Variants in CCL21 observed in about 807,000 individuals in gnomAD.
The protein encoded by CCL21 is C-C motif chemokine 21.
A neutral mutation model predicts 16.4 loss-of-function variants in CCL21; 12 were observed. The ratio of observed to expected loss-of-function variants is 0.73; its 90% confidence interval spans 0.47 to 1.18. The LOEUF (loss-of-function observed/expected upper bound fraction) is 1.18, where lower values mean the gene tolerates loss of function less well. Ranked by LOEUF, CCL21 falls within the 50% of genes most tolerant of loss-of-function variation. CCL21 has a pLI of 0.00. For missense variants in CCL21, 155 were observed against 163.8 expected (o/e 0.95, Z 0.29); for synonymous variants, 64 against 62.1 (o/e 1.03, Z -0.15).
chr9:34,709,866 G>T lies in CCL21; in HGVS notation c.99C>A (p.Leu33=). The T allele has an allele frequency of 6.2e-7, 1 of 1,614,226 alleles. No individual in the cohort carries two copies. The highest frequency in any genetic ancestry group is 8.5e-7 in the Non-Finnish European group (1 of 1,180,036). The change falls in exon 2 of 4, where the codon CTC becomes CTA. Residue 33 remains leucine, a synonymous_variant. Coordinates refer to ENST00000259607, the MANE Select transcript of CCL21 (RefSeq NM_002989.4). The part of the protein sequence containing the change: ...GSDGGAQDCC[L]KYSQRKIPAK... Reference sequence around the variant, plus strand: ...CGGGAATCTTCCTTTGGCTGTACTTGAGGCAACAGTCCTGAGCCCCTCCAT... The same window carrying T: ...CGGGAATCTTCCTTTGGCTGTACTTTAGGCAACAGTCCTGAGCCCCTCCAT...
At chr9:34,709,949 AG>A in intron 1 of CCL21, 50 bp downstream of exon 1, 1 of 1,614,092 alleles carries the variant, frequency 6.2e-7, no homozygotes. Flanking sequence ...GCTCCTATCC[AG>A]GCCTCTTGAT....
chr9:34,709,452 A>T, intron 3 of CCL21, 25 bp from the exon 4 acceptor site: 1 of 1,613,110 alleles, frequency 6.2e-7, no homozygotes, highest in Non-Finnish European at 8.5e-7. Context: ...GAGGGGTGTG[A>T]GGGGCTGACT....
chr9:34,709,992 C>T lies in CCL21; in HGVS notation c.67+8G>A, dbSNP rs1821961656. 1 of 1,613,984 alleles carries T rather than the reference C, an allele frequency of 6.2e-7. No homozygotes were observed. Among genetic ancestry groups the T allele is most frequent in the African/African-American group, 1.3e-5 (1 of 74,908 alleles). ...AGCCCCATGCAAGGCCCCTCCCTGC[C>T]TTGGTACCTTGGGTCCTGGGGATGC... On this transcript the variant is annotated splice_region_variant and intron_variant, in intron 1 of 3. Transcript: ENST00000259607.
chr9:34,710,049 A>G lies in CCL21; in HGVS notation c.18T>C (p.Ala6=). The change falls in exon 1 of 4, where the codon GCT becomes GCC. Residue 6 remains alanine, a synonymous_variant. Transcript: ENST00000259607. ...CCAGAACCAGGATAAGGAGGCTCAG[A>G]GCCAGTGACTGAGCCATGTCTGTGG... The part of the protein sequence containing the change: MAQSL[A]LSLLILVLAF... The G allele has an allele frequency of 6.2e-7, 1 of 1,613,870 alleles. No homozygotes were observed. Among genetic ancestry groups the G allele is most frequent in the Non-Finnish European group, 8.5e-7 (1 of 1,179,876 alleles).
In CCL21 at chr9:34,709,781, T is replaced by TA. The variant is rs1821958493; in HGVS notation, c.183dup (p.Ile62TyrfsTer65). On this transcript the variant is annotated frameshift_variant, in exon 2 of 4. Transcript: ENST00000259607. LOFTEE classifies it high-confidence loss of function. ...CACCCCTTTGTGTCCACTCACAGGATAGCTGGGATGGAGCAGCCTAAGCTT... is the reference window on the plus strand; with the variant it reads ...CACCCCTTTGTGTCCACTCACAGGATAAGCTGGGATGGAGCAGCCTAAGCTT... 1.1e-5 allele frequency: 17 copies of TA among 1,613,950 alleles called. No homozygotes were observed. Among genetic ancestry groups the TA allele is most frequent in the Non-Finnish European group, 1.4e-5 (17 of 1,179,978 alleles).
Sources: gnomAD v4.1 joint callset for allele counts on GRCh38, gnomAD v4.1.1 for gene constraint, MANE v1.5 for transcripts, NCBI Gene and HGNC (gene_info 2026-07-23, HGNC 2026-07-21) for gene names.